DACH2: variants seen among roughly 807,000 people sequenced by gnomAD.
DACH2 encodes dachshund homolog 2.
DACH2 carries 17 observed loss-of-function variants against 35.8 expected under a neutral mutation model. The ratio of observed to expected loss-of-function variants is 0.48; its 90% CI spans 0.33 to 0.71. The LOEUF is 0.71. Ranked by LOEUF, DACH2 falls within the 30% of genes least tolerant of loss-of-function variation. The pLI, the probability that DACH2 is intolerant of heterozygous loss-of-function variation, is 0.02. For synonymous variants in DACH2, 195 were observed against 177.3 expected, an observed-to-expected ratio of 1.10 and a Z score of -0.79; for missense variants, 469 against 472.7, an observed-to-expected ratio of 0.99 and a Z score of 0.07.
rs903159635 is a variant in DACH2 at position 86,288,427 on chromosome X, A to G, written c.489-88397A>G. Among the ~76,000 whole-genome samples the G allele has an allele frequency of 3.6e-5, 4 of 111,984 alleles. No homozygotes were observed. The East Asian group carries it at 1.1e-3, about 32-fold the overall frequency. On this transcript the variant is annotated intron_variant, in intron 1 of 11. Transcript: ENST00000373125. ...TTGCTCAAGGTCCTGGGGCTCTACA[A>G]TCAGCAGTAGAAAAGCCTCCAGACC...
intron 2 of DACH2, among the ~76,000 whole-genome samples, chrX:86,392,571 A>G (rs925479172): frequency 2.7e-5 from 3 of 111,893 alleles, no homozygotes; most frequent in Non-Finnish European, 1.9e-5. Context: ...TTGAATCATC[A>G]GAAAACTGTT....
chrX:86,623,676 T>G (rs1444459584), intron 3 of DACH2, among the ~76,000 whole-genome samples: 2 of 111,717 alleles, frequency 1.8e-5, no homozygotes, highest in African/African-American at 6.5e-5. Context: ...TAACATAGAC[T>G]GGAAAGGCAA....
intron 7 of DACH2, among the ~76,000 whole-genome samples, chrX:86,754,661 G>A (rs1010525794): frequency 2.7e-5 from 3 of 111,258 alleles, no homozygotes; most frequent in East Asian, 2.8e-4. Flanking sequence ...TCCCACATAT[G>A]TGTGAGAATA....
chrX:86,795,678 C>G (rs2042229707), intron 7 of DACH2, among the ~76,000 whole-genome samples: 1 of 112,241 alleles, frequency 8.9e-6, no homozygotes, highest in Non-Finnish European at 1.9e-5. Context: ...GCCGCGGACC[C>G]TCGCAGTGAG....
At chrX:86,722,059 G>T (rs1388152292) in intron 6 of DACH2, among the ~76,000 whole-genome samples, 2 of 111,639 alleles carry the variant, frequency 1.8e-5, no homozygotes, top group African/African-American at 6.5e-5. Context: ...CTTATTACTG[G>T]GACTCCAGTA....
chrX:86,638,664 A>G (rs1487209978), intron 3 of DACH2, among the ~76,000 whole-genome samples: 1 of 112,474 alleles, frequency 8.9e-6, no homozygotes, highest in Non-Finnish European at 1.9e-5. Flanking sequence ...AAAATGCTTA[A>G]TGTCACTATT....
At chrX:86,573,462 CAA>C (rs1236360138) in intron 3 of DACH2, among the ~76,000 whole-genome samples, 1 of 111,512 alleles carries the variant, frequency 9.0e-6, no homozygotes. Context: ...TGAAGAAATT[CAA>C]AGAGATTGCT....
intron 1 of DACH2, among the ~76,000 whole-genome samples, chrX:86,226,562 C>T (rs746749766): frequency 2.1e-4 from 23 of 111,663 alleles, no homozygotes; most frequent in Admixed American, 4.8e-4. Flanking sequence ...TTAAAGTCTC[C>T]ATCTAGAGTT....
chrX:86,191,544 G>A (rs1227169381), intron 1 of DACH2, among the ~76,000 whole-genome samples: 5 of 111,272 alleles, frequency 4.5e-5, no homozygotes, highest in Non-Finnish European at 7.5e-5. Flanking sequence ...TATTATGTGG[G>A]TGACAAAATC....
intron 4 of DACH2, among the ~76,000 whole-genome samples, chrX:86,656,129 C>T (rs2040537627): frequency 9.2e-6 from 1 of 108,233 alleles, no homozygotes; most frequent in Non-Finnish European, 1.9e-5. Context: ...TGTACTATTC[C>T]CCTGGACAGT....
rs1468376922 is a variant in DACH2, at chrX:86,582,103, T to C, written c.640+67712T>C. ...ATTACATTGAAATTAAACAACCTTCTCCTGAGTAACTTTTGGGTTATCAAT... is the reference window on the plus strand; with the variant it reads ...ATTACATTGAAATTAAACAACCTTCCCCTGAGTAACTTTTGGGTTATCAAT... On this transcript the variant is annotated intron_variant, in intron 3 of 11. Transcript: ENST00000373125. 2.7e-5 allele frequency among the ~76,000 whole-genome samples: 3 copies of C among 111,633 alleles called. No individual in the cohort carries two copies. In the East Asian group the frequency reaches 8.4e-4, roughly 31 times the overall value.
chrX:86,488,675 A>G lies in DACH2; in HGVS notation c.528-25604A>G, dbSNP rs147881306. 6.2e-3 allele frequency among the ~76,000 whole-genome samples: 687 copies of G among 111,664 alleles called. 1 individual carries two copies. The highest frequency in any genetic ancestry group is 0.011 in the Non-Finnish European group (566 of 52,996). On this transcript the variant is annotated intron_variant, in intron 2 of 11. Coordinates refer to ENST00000373125, the MANE Select transcript of DACH2 (RefSeq NM_053281.3). Reference sequence around the variant, plus strand: ...GATTACTCATTAGCCTGATTTGATCATTCCACAATGTATACATGTATTGAA... The same window carrying G: ...GATTACTCATTAGCCTGATTTGATCGTTCCACAATGTATACATGTATTGAA...
intron 1 of DACH2, among the ~76,000 whole-genome samples, chrX:86,170,788 G>A (rs1404689170): frequency 8.9e-6 from 1 of 112,411 alleles, no homozygotes; most frequent in Non-Finnish European, 1.9e-5. Context: ...CTGTGACACA[G>A]CTTCAGGAGG....
Position 86,534,956 on chromosome X carries a change from T to C in DACH2, c.640+20565T>C, listed in dbSNP as rs935253534. On this transcript the variant is annotated intron_variant, in intron 3 of 11. Coordinates refer to ENST00000373125, the MANE Select transcript of DACH2 (RefSeq NM_053281.3). ...TATCAAATTTGCATTGATCATCAAC[T>C]AAATTTGAAACAAAGTTATCTAGTT... 5.4e-5 allele frequency among the ~76,000 whole-genome samples: 6 copies of C among 111,940 alleles called. No homozygotes were observed. The Admixed American group carries it at 5.7e-4, about 11-fold the overall frequency.
intron 3 of DACH2, among the ~76,000 whole-genome samples, chrX:86,610,406 TTTCTTTCTTTCTTTTCTTTCTTTCTTTC>T (rs1308596080): frequency 1.1e-4 from 9 of 80,336 alleles, no homozygotes; most frequent in African/African-American, 3.8e-4. Context: ...TCTTTCTTTC[TTTCTTTCTTTCTTTTCTTTCTTTCTTTC>T]TTTCTTTCTT....
rs768290136 is a variant in DACH2 at position 86,831,085 on chromosome X, A to C, written c.1751-1021A>C. The C allele has an allele frequency of 1.5e-4, 17 of 111,249 alleles. 1 individual carries two copies. In the Admixed American group the frequency reaches 1.6e-3, roughly 11 times the overall value. The allele number at this position is 111,249 out of a possible 1,213,427, so 9.2% of individuals were successfully genotyped here. ...TCTTTTATTCATCTATTACCTTACT[A>C]CATCTTTATTTTTGGTTCTGAGGTA... On this transcript the variant is annotated intron_variant, in intron 11 of 11. Coordinates refer to ENST00000373125, the MANE Select transcript of DACH2 (RefSeq NM_053281.3).
intron 3 of DACH2, among the ~76,000 whole-genome samples, chrX:86,582,725 C>T (rs181694228): frequency 4.5e-5 from 5 of 110,130 alleles, no homozygotes; most frequent in Non-Finnish European, 9.5e-5. Flanking sequence ...AATAAAAAGC[C>T]TACCAACCGG....
intron 2 of DACH2, among the ~76,000 whole-genome samples, chrX:86,472,883 A>G (rs1025389318): frequency 8.9e-6 from 1 of 111,945 alleles, no homozygotes; most frequent in Non-Finnish European, 1.9e-5. Flanking sequence ...CTAATAACCC[A>G]TGAGAGATTC....
intron 1 of DACH2, among the ~76,000 whole-genome samples, chrX:86,365,938 T>C (rs1272169237): frequency 9.0e-6 from 1 of 111,413 alleles, no homozygotes; most frequent in African/African-American, 3.3e-5. Flanking sequence ...GTCTAAAAAA[T>C]GAAGTGACCA....
Sources: allele counts gnomAD v4.1 joint callset (sites outside exome capture counted in the v4.1 genomes callset), GRCh38; gene constraint gnomAD v4.1.1; transcripts MANE v1.5; gene names NCBI Gene and HGNC (gene_info 2026-07-23, HGNC 2026-07-21).